GRAP2: variants seen among roughly 807,000 people sequenced by gnomAD.
The protein encoded by GRAP2 is GRB2 related adaptor protein 2.
A neutral mutation model predicts 43.5 loss-of-function variants in GRAP2; 31 were observed. The observed-to-expected ratio is 0.71, with a 90% CI of 0.54 to 0.96. The LOEUF (loss-of-function observed/expected upper bound fraction) is 0.96. GRAP2 is among the 40% of genes least tolerant of loss of function. The probability of loss-of-function intolerance (pLI) is 0.00; values close to 1 mark genes in which losing one functional copy is unlikely to be tolerated. For missense variants in GRAP2, 371 were observed against 424.4 expected (o/e 0.87, Z 1.11); for synonymous variants, 156 against 164.8 (o/e 0.95, Z 0.41).
chr22:39,902,492 A>T (rs915730898), intron 1 of GRAP2, among the ~76,000 whole-genome samples: 1 of 152,204 alleles, frequency 6.6e-6, no homozygotes, highest in Non-Finnish European at 1.5e-5. Context: ...TCAAATACGA[A>T]AAAAATCTGA....
At chr22:39,923,115 A>G (rs2066668052) in intron 1 of GRAP2, among the ~76,000 whole-genome samples, 1 of 152,026 alleles carries the variant, frequency 6.6e-6, no homozygotes, top group Non-Finnish European at 1.5e-5. Context: ...ACCAGATTTG[A>G]GAAAGGGGAG....
At chr22:39,899,611 G>T (rs1569187970), upstream of GRAP2, among the ~76,000 whole-genome samples, 1 of 152,164 alleles carries the variant, frequency 6.6e-6, no homozygotes, top group Admixed American at 6.5e-5. Flanking sequence ...TGTGGAAATA[G>T]CAGAGATCCT....
chr22:39,958,955 C>A (rs1392282371), intron 3 of GRAP2, among the ~76,000 whole-genome samples: 2 of 152,232 alleles, frequency 1.3e-5, no homozygotes. Context: ...TAAGTACATC[C>A]TTCCTGCTAC....
At chr22:39,963,092 G>C (rs908184782) in intron 4 of GRAP2, among the ~76,000 whole-genome samples, 2 of 152,176 alleles carry the variant, frequency 1.3e-5, no homozygotes, top group African/African-American at 4.8e-5. Flanking sequence ...GACAATTACC[G>C]TAATCCTTAT....
Position 39,959,632 on chromosome 22 carries a change from G to A in GRAP2, c.171-423G>A, listed in dbSNP as rs565177493. 2.0e-5 allele frequency among the ~76,000 whole-genome samples: 3 copies of A among 152,204 alleles called. No individual in the cohort carries two copies. In the East Asian group the frequency reaches 5.8e-4, roughly 29 times the overall value. ...TGAGCACCCCAGGCCCTGCTCAGCC[G>A]GCTGCACCTGGTTGGCTCCAGTGCC... On this transcript the variant is annotated intron_variant, in intron 3 of 7. Transcript: ENST00000344138.
chr22:39,966,463 C>T (rs1013864591), intron 5 of GRAP2, among the ~76,000 whole-genome samples: 1 of 152,206 alleles, frequency 6.6e-6, no homozygotes, highest in African/African-American at 2.4e-5. Flanking sequence ...TCACACTGCG[C>T]TCAGCAAGCA....
rs1351494995 is a variant in GRAP2, at chr22:39,968,092, C to T, written c.510C>T (p.Leu170=). The T allele has an allele frequency of 2.5e-6, 4 of 1,612,146 alleles. No homozygotes were observed. Among genetic ancestry groups the T allele is most frequent in the Non-Finnish European group, 3.4e-6 (4 of 1,179,190 alleles). ...LDRRSQGGPH[L]SGAVGEEIRP... Reference sequence around the variant, plus strand: ...GGAGGTCCCAGGGAGGCCCACACCTCAGTGGGGCTGTGGGAGAAGAAATCC... The same window carrying T: ...GGAGGTCCCAGGGAGGCCCACACCTTAGTGGGGCTGTGGGAGAAGAAATCC... Residue 170 remains leucine, a synonymous_variant, in exon 6 of 8, where the codon CTC becomes CTT. Transcript: ENST00000344138.
chr22:39,923,592 G>C (rs540910379), intron 1 of GRAP2, among the ~76,000 whole-genome samples: 8 of 152,214 alleles, frequency 5.3e-5, no homozygotes, highest in African/African-American at 1.9e-4. Flanking sequence ...TCCATTCCTA[G>C]CCCTTAAAAC....
rs1421737279 is a variant in GRAP2 at position 39,943,375 on chromosome 22, A to G, written c.-14-3718A>G. On this transcript the variant is annotated intron_variant, in intron 1 of 7. Transcript: ENST00000344138. ...GGCAAGGGTAGAAAAAATCATGTTCAGGGCAGTCCTGTGTGGCATTACCCT... is the reference window on the plus strand; with the variant it reads ...GGCAAGGGTAGAAAAAATCATGTTCGGGGCAGTCCTGTGTGGCATTACCCT... Among the ~76,000 whole-genome samples, 21 of 152,220 alleles carry G rather than the reference A, an allele frequency of 1.4e-4. 1 individual carries two copies. Among genetic ancestry groups the G allele is most frequent in the Admixed American group, 1.4e-3 (21 of 15,282 alleles).
At chr22:39,932,111 G>A (rs536718805) in intron 1 of GRAP2, among the ~76,000 whole-genome samples, 33 of 152,276 alleles carry the variant, frequency 2.2e-4, no homozygotes, top group African/African-American at 6.5e-4. Context: ...TGGGACAGGC[G>A]TTGCATGAGG....
chr22:39,898,648 C>G (rs1206583078), upstream of GRAP2, among the ~76,000 whole-genome samples: 1 of 151,954 alleles, frequency 6.6e-6, no homozygotes, highest in Non-Finnish European at 1.5e-5. Context: ...CCTCAGCTGT[C>G]CTAAAAATAT....
At chr22:39,903,948 C>T (rs1188236622) in intron 1 of GRAP2, among the ~76,000 whole-genome samples, 8 of 152,110 alleles carry the variant, frequency 5.3e-5, no homozygotes. Flanking sequence ...AGTAGGAATT[C>T]AGTAAATAAT....
At chr22:39,944,415 C>T (rs2145631709) in intron 1 of GRAP2, among the ~76,000 whole-genome samples, 2 of 152,230 alleles carry the variant, frequency 1.3e-5, no homozygotes, top group African/African-American at 4.8e-5. Flanking sequence ...GTGGTTTAAA[C>T]AAAAAGAGAA....
intron 1 of GRAP2, among the ~76,000 whole-genome samples, chr22:39,943,143 G>A (rs976687250): frequency 2.6e-5 from 4 of 152,134 alleles, no homozygotes; most frequent in African/African-American, 7.2e-5. Flanking sequence ...GTTTCTTGCC[G>A]GGTGCCATTT....
chr22:39,969,458 C>T lies in GRAP2; in HGVS notation c.738C>T (p.Thr246=), dbSNP rs190288502. The T allele has an allele frequency of 2.4e-5, 38 of 1,613,960 alleles. No homozygotes were observed. The Admixed American group carries it at 2.8e-4, about 12-fold the overall frequency. ...ACATAAATGATGGGCATTGTGGCAC[C>T]GGCTTGGGCAGTGAAATGAATGCGG... ...SLDINDGHCG[T]GLGSEMNAAL... Residue 246 remains threonine, a synonymous_variant, in exon 7 of 8, where the codon ACC becomes ACT. Coordinates refer to ENST00000344138, the MANE Select transcript of GRAP2 (RefSeq NM_004810.4).
intron 1 of GRAP2, among the ~76,000 whole-genome samples, chr22:39,931,008 G>A (rs1419430258): frequency 1.3e-5 from 2 of 152,136 alleles, no homozygotes; most frequent in African/African-American, 4.8e-5. Flanking sequence ...TTGAGGTGTG[G>A]TTCCTTTATC....
At chr22:39,927,386 TGCAGTGG>T (rs1376635684) in intron 1 of GRAP2, among the ~76,000 whole-genome samples, 2 of 152,354 alleles carry the variant, frequency 1.3e-5, no homozygotes, top group Admixed American at 1.3e-4. Context: ...AACAGTCCCT[TGCAGTGG>T]GCTAGTGACG....
At chr22:39,913,852 G>A (rs137970) in intron 1 of GRAP2, among the ~76,000 whole-genome samples, 99,527 of 152,040 alleles carry the variant, frequency 0.65, 34,191 homozygotes, top group African/African-American at 0.88. Context: ...CGAAGTCACA[G>A]CTTCTTCCCC....
Position 39,947,157 on chromosome 22 carries a change from G to A in GRAP2, c.51G>A (p.Leu17=). ...FDFTASGEDE[L]SFHTGDVLKI... is the part of the protein sequence containing the mutation. ...TCACTGCTTCAGGTGAGGATGAACT[G>A]AGCTTTCACACTGGAGATGTTTTGA... The change falls in exon 2 of 8, where the codon CTG becomes CTA. Residue 17 remains leucine, a synonymous_variant. Transcript: ENST00000344138. The A allele has an allele frequency of 6.2e-7, 1 of 1,601,110 alleles. No individual in the cohort carries two copies. Among genetic ancestry groups the A allele is most frequent in the Non-Finnish European group, 8.6e-7 (1 of 1,168,136 alleles).
Sources: allele counts gnomAD v4.1 joint callset (sites outside exome capture counted in the v4.1 genomes callset), GRCh38; gene constraint gnomAD v4.1.1; transcripts MANE v1.5; gene names NCBI Gene and HGNC (gene_info 2026-07-23, HGNC 2026-07-21).